The following WDR7 variants were observed in gnomAD, a reference collection of about 807,000 sequenced individuals.
WDR7 encodes WD repeat-containing protein 7.
In WDR7, 46 loss-of-function variants were observed where a neutral mutation model predicts 169.4. That is an observed-to-expected ratio of 0.27 (90% CI 0.21 to 0.35). The LOEUF is 0.35. WDR7 is among the 10% of genes least tolerant of loss of function. WDR7 has a pLI of 1.00. For missense variants in WDR7, 1,534 were observed against 1,859.3 expected (o/e 0.83, Z 3.22); for synonymous variants, 612 against 666.8 (o/e 0.92, Z 1.27).
At chr18:57,003,682 AT>A (rs938841885) in intron 26 of WDR7, among the ~76,000 whole-genome samples, 1 of 152,124 alleles carries the variant, frequency 6.6e-6, no homozygotes, top group Admixed American at 6.5e-5. Context: ...TTCAGTAAAT[AT>A]TTTTTAAAAT....
intron 21 of WDR7, among the ~76,000 whole-genome samples, chr18:56,893,721 T>A (rs1316888679): frequency 6.6e-6 from 1 of 152,072 alleles, no homozygotes; most frequent in Non-Finnish European, 1.5e-5. Flanking sequence ...TACCTTTGGT[T>A]TTTAAATTAT....
At chr18:56,891,697 C>T (rs1346827270) in intron 21 of WDR7, among the ~76,000 whole-genome samples, 1 of 151,998 alleles carries the variant, frequency 6.6e-6, no homozygotes, top group Admixed American at 6.6e-5. Context: ...ATGCATTTTT[C>T]CCCCAAAGCT....
rs529247918 is a variant in WDR7, at chr18:56,724,305, A to G, written c.1774+6146A>G. ...CAGTTCACTGCAGTCTCTGCCTCCCAGGTTCAAGTGATTATCCTGCCTCAG... is the reference window on the plus strand; with the variant it reads ...CAGTTCACTGCAGTCTCTGCCTCCCGGGTTCAAGTGATTATCCTGCCTCAG... On this transcript the variant is annotated intron_variant, in intron 13 of 27. Transcript: ENST00000254442. 9.0e-5 allele frequency among the ~76,000 whole-genome samples: 13 copies of G among 144,564 alleles called. No individual in the cohort carries two copies. In the South Asian group the frequency reaches 2.4e-3, roughly 27 times the overall value. 94.8% of individuals were successfully genotyped at this position (144,564 alleles called of 152,430 possible).
chr18:56,975,150 C>A (rs1432252553), intron 26 of WDR7, among the ~76,000 whole-genome samples: 2 of 151,826 alleles, frequency 1.3e-5, no homozygotes, highest in Non-Finnish European at 2.9e-5. Flanking sequence ...GCAGGAGAAT[C>A]GCTTGAACCT....
intron 25 of WDR7, among the ~76,000 whole-genome samples, chr18:56,946,684 G>A (rs1401976849): frequency 1.3e-5 from 2 of 151,928 alleles, no homozygotes; most frequent in Non-Finnish European, 2.9e-5. Flanking sequence ...GTGTGTGTAT[G>A]TATTATGTAT....
chr18:56,951,549 C>T (rs1012082944), intron 25 of WDR7, among the ~76,000 whole-genome samples: 3 of 152,112 alleles, frequency 2.0e-5, no homozygotes, highest in Non-Finnish European at 4.4e-5. Context: ...GCTTTTGTGT[C>T]TTTGAAACAA....
chr18:56,939,361 A>G lies in WDR7; in HGVS notation c.4032A>G (p.Lys1344=). The G allele has an allele frequency of 6.3e-7, 1 of 1,579,584 alleles. No homozygotes were observed. Among genetic ancestry groups the G allele is most frequent in the Non-Finnish European group, 8.6e-7 (1 of 1,161,124 alleles). The part of the protein sequence containing the change: ...YCLEGSLVKK[K]GLQECFPAIC... ...TTGAAGGATCTTTAGTTAAAAAGAA[A>G]GGTCTTCAAGAATGTTTCCCAGCCA... Residue 1344 remains lysine, a synonymous_variant, in exon 25 of 28, where the codon AAA becomes AAG. Coordinates refer to ENST00000254442, the MANE Select transcript of WDR7 (RefSeq NM_015285.3).
chr18:56,747,328 AG>A (rs1180352337), intron 14 of WDR7, among the ~76,000 whole-genome samples: 2 of 152,212 alleles, frequency 1.3e-5, no homozygotes, highest in Non-Finnish European at 2.9e-5. Flanking sequence ...TTGGTATAAT[AG>A]GGTTGTAATG....
chr18:56,673,450 T>G (rs554525263), intron 2 of WDR7, among the ~76,000 whole-genome samples: 3 of 152,170 alleles, frequency 2.0e-5, no homozygotes, highest in Non-Finnish European at 4.4e-5. Flanking sequence ...TTTTGACGTT[T>G]CTTAGTACGT....
intron 26 of WDR7, among the ~76,000 whole-genome samples, chr18:57,016,305 A>C (rs1233580903): frequency 6.6e-6 from 1 of 152,184 alleles, no homozygotes; most frequent in Non-Finnish European, 1.5e-5. Context: ...TACAAAATAC[A>C]TGGGTCAGTA....
intron 1 of WDR7, among the ~76,000 whole-genome samples, chr18:56,670,788 G>C (rs951438137): frequency 6.6e-6 from 1 of 152,170 alleles, no homozygotes; most frequent in Admixed American, 6.5e-5. Context: ...TGGGATTACA[G>C]ATGTGAGCCA....
rs749979552 is a variant in WDR7, at chr18:56,756,618, G to A, written c.2025G>A (p.Met675Ile). ...NLPKYSHNSL[M>I]VQAIKTNLTD... ...CTAAATATTCTCATAACTCCCTGATGGTTCAAGCAATAAAGACAAACCTAA... is the reference window on the plus strand; with the variant it reads ...CTAAATATTCTCATAACTCCCTGATAGTTCAAGCAATAAAGACAAACCTAA... Residue 675 changes from methionine to isoleucine, a missense_variant, in exon 15 of 28, where the codon ATG becomes ATA. By Grantham distance (10) the Met-to-Ile change is conservative. Transcript: ENST00000254442. 5.0e-6 allele frequency: 8 copies of A among 1,610,838 alleles called. No individual in the cohort carries two copies. In the South Asian group the frequency reaches 7.8e-5, roughly 16 times the overall value.
intron 20 of WDR7, among the ~76,000 whole-genome samples, chr18:56,847,559 A>G (rs1201480737): frequency 6.6e-6 from 1 of 152,138 alleles, no homozygotes; most frequent in Non-Finnish European, 1.5e-5. Context: ...ATCCAAGACA[A>G]TGGGAAAAAG....
At chr18:56,852,202 A>G (rs1189014317) in intron 20 of WDR7, among the ~76,000 whole-genome samples, 3 of 152,214 alleles carry the variant, frequency 2.0e-5, no homozygotes, top group Non-Finnish European at 2.9e-5. Context: ...GATAATATTC[A>G]GACAGATATC....
At chr18:56,971,272 T>C (rs1379964947) in intron 26 of WDR7, among the ~76,000 whole-genome samples, 1 of 148,134 alleles carries the variant, frequency 6.8e-6, no homozygotes, top group Admixed American at 6.7e-5. Context: ...AGAGCGAAAT[T>C]CTGTCTCCCA....
intron 20 of WDR7, among the ~76,000 whole-genome samples, chr18:56,834,122 G>A (rs28505978): frequency 0.093 from 14,210 of 152,176 alleles, 1,676 homozygotes; most frequent in African/African-American, 0.28. Context: ...GTTCCCTGCC[G>A]TGTGGCCCTA....
chr18:56,911,161 G>C (rs2046547085), intron 21 of WDR7, among the ~76,000 whole-genome samples: 1 of 152,146 alleles, frequency 6.6e-6, no homozygotes, highest in South Asian at 2.1e-4. Flanking sequence ...CACCACTTCT[G>C]GGTTAGATAA....
intron 26 of WDR7, among the ~76,000 whole-genome samples, chr18:56,977,029 C>T (rs1179175211): frequency 6.6e-6 from 1 of 152,118 alleles, no homozygotes; most frequent in Non-Finnish European, 1.5e-5. Flanking sequence ...CCTTGAGACC[C>T]AGAACAAGTG....
At chr18:56,694,367 CTT>C (rs1318395729) in intron 9 of WDR7, among the ~76,000 whole-genome samples, 1 of 152,110 alleles carries the variant, frequency 6.6e-6, no homozygotes, top group Non-Finnish European at 1.5e-5. Context: ...TAAATGCTAA[CTT>C]TAGAGAAAGG....
Sources: allele counts gnomAD v4.1 joint callset (sites outside exome capture counted in the v4.1 genomes callset), GRCh38; gene constraint gnomAD v4.1.1; transcripts MANE v1.5; gene names NCBI Gene and HGNC (gene_info 2026-07-23, HGNC 2026-07-21).